Variants in DOP1B observed in about 807,000 individuals in gnomAD.
The protein encoded by DOP1B is DOP1 leucine zipper like protein B.
DOP1B carries 174 observed loss-of-function variants against 233.5 expected under a neutral mutation model. That is an observed-to-expected ratio of 0.75 (90% CI 0.66 to 0.85). The LOEUF (loss-of-function observed/expected upper bound fraction) is 0.85. Among genes scored for constraint, DOP1B ranks in the 40% least tolerant of loss-of-function variants. DOP1B has a pLI of 0.00. For synonymous variants in DOP1B, 1,190 were observed against 1,185.6 expected (o/e 1.00, Z -0.08); for missense variants, 2,652 against 2,846.6 (o/e 0.93, Z 1.56).
chr21:36,227,323 G>GCA (rs1392929299), intron 12 of DOP1B, among the ~76,000 whole-genome samples: 14 of 152,074 alleles, frequency 9.2e-5, no homozygotes, highest in Admixed American at 2.6e-4. Context: ...CAAGGTGGAT[G>GCA]GATCACAAAG....
Position 36,212,077 on chromosome 21 carries a change from G to T in DOP1B, c.884G>T (p.Arg295Ile). The change falls in exon 7 of 37, where the codon AGA becomes ATA. Residue 295 changes from arginine to isoleucine, a missense_variant. Physicochemically the swap from Arg to Ile is moderately conservative, Grantham distance 97. This residue lies in a region of DOP1B where 2,617 missense variants were observed against 2,794.3 expected (regional missense o/e 0.94). Coordinates refer to ENST00000691173, the MANE Select transcript of DOP1B (RefSeq NM_001320714.2). ...AGAAGGGACATGTCCCTGAACAGAA[G>T]ACTGTATGCATGGTTACTAGGTACT... ...LLRRDMSLNR[R>I]LYAWLLGSDI... The T allele has an allele frequency of 6.2e-7, 1 of 1,612,346 alleles. No individual in the cohort carries two copies. The highest frequency in any genetic ancestry group is 1.1e-5 in the South Asian group (1 of 90,844).
chr21:36,176,121 T>TGTGTGTGTGTGG (rs962494737), intron 2 of DOP1B, among the ~76,000 whole-genome samples: 79 of 151,874 alleles, frequency 5.2e-4, no homozygotes, highest in African/African-American at 1.9e-3. Flanking sequence ...TGTGTGTGTG[T>TGTGTGTGTGTGG]GGTGATACAG....
intron 4 of DOP1B, among the ~76,000 whole-genome samples, chr21:36,202,013 C>A (rs1311975205): frequency 6.6e-6 from 1 of 151,940 alleles, no homozygotes; most frequent in Non-Finnish European, 1.5e-5. Flanking sequence ...GGTGAAACCC[C>A]ATATCTACTA....
intron 20 of DOP1B, 30 bp downstream of exon 20, chr21:36,247,658 C>A: frequency 2.0e-6 from 3 of 1,477,760 alleles, no homozygotes; most frequent in Non-Finnish European, 1.9e-6. Flanking sequence ...GAGTTCAAGG[C>A]AATTTTCATG....
At position 36,195,737 on chromosome 21, in the gene DOP1B, C is replaced by T. The variant is rs376125499; in HGVS notation, c.139-3333C>T. On this transcript the variant is annotated intron_variant, in intron 2 of 36. Transcript: ENST00000691173. Reference sequence around the variant, plus strand: ...GAGTGGTTGTGGTTCCTTGCAATTGCGTTCATATGAAAAGAGATCTATCAG... The same window carrying T: ...GAGTGGTTGTGGTTCCTTGCAATTGTGTTCATATGAAAAGAGATCTATCAG... 4.1e-4 allele frequency among the ~76,000 whole-genome samples: 63 copies of T among 152,268 alleles called. 3 individuals carry two copies. In the South Asian group the frequency reaches 7.5e-3, roughly 18 times the overall value.
In DOP1B at chr21:36,230,661, C is replaced by T. The variant is rs762995201; in HGVS notation, c.1877C>T (p.Thr626Met). ...AAGAAGGGCGGGAGCATGCAGAGGA[C>T]GTTTCTTTGCATCCAAGAGCTAATC... is the stretch of plus-strand genomic sequence containing the variant. ...VWKKGGSMQR[T>M]FLCIQELIAN... Residue 626 changes from threonine to methionine, a missense_variant, in exon 14 of 37, where the codon ACG (threonine) becomes ATG (methionine). Thr to Met is a moderately conservative substitution (Grantham distance 81, BLOSUM62 -1). Transcript: ENST00000691173. 11 of 1,614,060 alleles carry T rather than the reference C, an allele frequency of 6.8e-6. No individual in the cohort carries two copies. The highest frequency in any genetic ancestry group is 1.7e-5 in the Admixed American group (1 of 59,988).
At chr21:36,289,696 C>G (rs2067535162) in intron 35 of DOP1B, among the ~76,000 whole-genome samples, 1 of 152,152 alleles carries the variant, frequency 6.6e-6, no homozygotes. Flanking sequence ...ATTTCTCTCT[C>G]TCCTACCCCC....
chr21:36,244,735 T>G (rs539096620), intron 18 of DOP1B, among the ~76,000 whole-genome samples: 1 of 152,284 alleles, frequency 6.6e-6, no homozygotes, highest in South Asian at 2.1e-4. Flanking sequence ...AGGAGACATT[T>G]CTTGAAAGAG....
rs771059295 is a variant in DOP1B at position 36,199,244 on chromosome 21, C to G, written c.313C>G (p.Leu105Val). 16 of 1,613,654 alleles carry G rather than the reference C, an allele frequency of 9.9e-6. No homozygotes were observed. The highest frequency in any genetic ancestry group is 1.1e-5 in the Non-Finnish European group (13 of 1,179,852). ...GTKWLAKDLF[L>V]YSCGLFPLLA... ...CAAATGGCTGGCCAAGGACTTGTTT[C>G]TGTACAGGTGCGATTGCTTCTCTGC... Residue 105 changes from leucine (L) to valine (V), a missense_variant, in exon 3 of 37, where the codon CTG (leucine) becomes GTG (valine). Transcript: ENST00000691173.
intron 26 of DOP1B, 112 bp from the exon 27 acceptor site, chr21:36,269,901 T>G: frequency 2.7e-6 from 3 of 1,114,940 alleles, no homozygotes; most frequent in Admixed American, 2.1e-5. Flanking sequence ...ATGGTACGTA[T>G]ATGCTCACAG....
In DOP1B at chr21:36,211,602, G is replaced by T; in HGVS notation, c.731G>T (p.Arg244Ile). 5 of 1,614,204 alleles carry T rather than the reference G, an allele frequency of 3.1e-6. No individual in the cohort carries two copies. The highest frequency in any genetic ancestry group is 4.2e-6 in the Non-Finnish European group (5 of 1,180,032). ...TTGGACTCAAATGTTCTTGTGCAAA[G>T]AAATAATCTGGAAATCGTTCTGTTT... ...SLLDSNVLVQ[R>I]NNLEIVLFFF... The change falls in exon 6 of 37, where the codon AGA becomes ATA. Residue 244 changes from arginine (R) to isoleucine (I), a missense_variant. Physicochemically the swap from Arg to Ile is moderately conservative, Grantham distance 97. Around this residue, in one of 3 missense-constraint regions of DOP1B, gnomAD observed 2,617 missense variants for 2,794.3 expected, o/e 0.94. Transcript: ENST00000691173.
chr21:36,169,922 C>T lies in DOP1B; in HGVS notation c.138+5051C>T, dbSNP rs2065956488. 1.0e-5 allele frequency: 8 copies of T among 772,172 alleles called. No individual in the cohort carries two copies. In the South Asian group the frequency reaches 1.1e-4, roughly 10 times the overall value. 47.8% of individuals were successfully genotyped at this position (772,172 alleles called of 1,614,324 possible). The stretch of plus-strand genomic sequence containing the variant: ...GTTTCCACGTAGCCCGCAATGCCCA[C>T]AACCACCATAGGTGGTGTCTCCACA... On this transcript the variant is annotated intron_variant, in intron 2 of 36. Transcript: ENST00000691173.
At chr21:36,226,261 A>G (rs1461301520) in intron 12 of DOP1B, among the ~76,000 whole-genome samples, 4 of 151,920 alleles carry the variant, frequency 2.6e-5, no homozygotes, top group Non-Finnish European at 5.9e-5. Context: ...CAAAAACAAT[A>G]GAAATGTTCT....
chr21:36,259,934 T>C (rs1239778309), intron 23 of DOP1B, among the ~76,000 whole-genome samples: 1 of 152,098 alleles, frequency 6.6e-6, no homozygotes, highest in Non-Finnish European at 1.5e-5. Context: ...GTTTTAGAAC[T>C]TGTTTCCAAG....
At chr21:36,257,313 A>G (rs1485927002) in intron 23 of DOP1B, among the ~76,000 whole-genome samples, 1 of 152,156 alleles carries the variant, frequency 6.6e-6, no homozygotes, top group Non-Finnish European at 1.5e-5. Context: ...TGACTAAAGC[A>G]TGGACAACCG....
At chr21:36,229,511 C>T (rs779422033) in intron 13 of DOP1B, among the ~76,000 whole-genome samples, 2 of 152,088 alleles carry the variant, frequency 1.3e-5, no homozygotes, top group Admixed American at 6.6e-5. Context: ...TTTGGGCCCA[C>T]TCTAATGATC....
Position 36,198,505 on chromosome 21 carries a change from G to T in DOP1B, c.139-565G>T, listed in dbSNP as rs112127886. On this transcript the variant is annotated intron_variant, in intron 2 of 36. Transcript: ENST00000691173. Reference sequence around the variant, plus strand: ...ACAAAGTTCTGCCCATGGTTACTCTGTGCCACGAAGGACAGCATCGATCTG... The same window carrying T: ...ACAAAGTTCTGCCCATGGTTACTCTTTGCCACGAAGGACAGCATCGATCTG... Among the ~76,000 whole-genome samples the T allele has an allele frequency of 9.7e-3, 1,481 of 152,130 alleles. 23 individuals are homozygous for T. The highest frequency in any genetic ancestry group is 0.033 in the African/African-American group (1,363 of 41,496).
At chr21:36,240,309 G>A (rs754849224) in intron 18 of DOP1B, among the ~76,000 whole-genome samples, 8 of 151,916 alleles carry the variant, frequency 5.3e-5, no homozygotes, top group South Asian at 4.1e-4. Context: ...GTGAAACCCC[G>A]TCTCTACTAA....
chr21:36,273,942 G>C (rs940250034), intron 27 of DOP1B, among the ~76,000 whole-genome samples: 5 of 152,086 alleles, frequency 3.3e-5, no homozygotes, highest in African/African-American at 9.7e-5. Context: ...GCCGGGTGTG[G>C]TGGCAGGTAC....
Sources: gnomAD v4.1 joint callset for allele counts (sites outside exome capture counted in the v4.1 genomes callset) on GRCh38, gnomAD v4.1.1 for gene constraint, gnomAD v4.1.1 regional missense constraint, MANE v1.5 for transcripts, NCBI Gene and HGNC (gene_info 2026-07-23, HGNC 2026-07-21) for gene names.